CNIH3: variants seen among roughly 807,000 people sequenced by gnomAD.
The protein encoded by CNIH3 is cornichon family AMPA receptor auxiliary protein 3, also known as protein cornichon homolog 3.
CNIH3 carries 14 observed loss-of-function variants against 24.1 expected under a neutral mutation model. The ratio of observed to expected loss-of-function variants is 0.58; its 90% CI spans 0.38 to 0.91. CNIH3 has a LOEUF of 0.91. Among genes scored for constraint, CNIH3 ranks in the 40% least tolerant of loss-of-function variants. The probability of loss-of-function intolerance (pLI) is 0.00; values close to 1 mark genes in which losing one functional copy is unlikely to be tolerated. For synonymous variants in CNIH3, 68 were observed against 73.8 expected, an observed-to-expected ratio of 0.92 and a Z score of 0.40; for missense variants, 178 against 196.8, an observed-to-expected ratio of 0.90 and a Z score of 0.57.
At chr1:224,489,229 C>T (rs747297777) in intron 1 of CNIH3, among the ~76,000 whole-genome samples, 7 of 152,044 alleles carry the variant, frequency 4.6e-5, no homozygotes, top group East Asian at 1.9e-4. Context: ...CATTTCTGCT[C>T]AGGTCTTTTA....
At chr1:224,526,245 C>G (rs1338803522) in intron 2 of CNIH3, among the ~76,000 whole-genome samples, 1 of 152,146 alleles carries the variant, frequency 6.6e-6, no homozygotes, top group Non-Finnish European at 1.5e-5. Context: ...ATGTTGGTGT[C>G]CCCCCAAATT....
At chr1:224,575,021 G>A (rs889030581) in intron 4 of CNIH3, 15 of 876,082 alleles carry the variant, frequency 1.7e-5, no homozygotes, top group Non-Finnish European at 3.0e-5. Context: ...TCACTCAGGA[G>A]AAGTTAATCC....
At chr1:224,709,804 C>T (rs1340337214) in intron 3 of CNIH3, among the ~76,000 whole-genome samples, 1 of 152,158 alleles carries the variant, frequency 6.6e-6, no homozygotes, top group Non-Finnish European at 1.5e-5. Flanking sequence ...CTTCAACCTG[C>T]CATCTACTCA....
downstream of CNIH3, among the ~76,000 whole-genome samples, chr1:224,592,536 C>G (rs1280739222): frequency 6.6e-6 from 1 of 152,172 alleles, no homozygotes; most frequent in Non-Finnish European, 1.5e-5. Context: ...AAATGGCACA[C>G]CCGCTCGTGG....
chr1:224,636,454 A>T (rs1684091235), intron 1 of CNIH3, among the ~76,000 whole-genome samples: 1 of 152,210 alleles, frequency 6.6e-6, no homozygotes, highest in Non-Finnish European at 1.5e-5. Flanking sequence ...CTGCTTCCTA[A>T]TTACCAGACC....
At chr1:224,486,613 A>G (rs1677041312) in intron 1 of CNIH3, among the ~76,000 whole-genome samples, 1 of 152,232 alleles carries the variant, frequency 6.6e-6, no homozygotes, top group Non-Finnish European at 1.5e-5. Context: ...TGCTCTTTCT[A>G]TATCAACTAT....
intron 1 of CNIH3, among the ~76,000 whole-genome samples, chr1:224,472,194 T>C (rs1256225648): frequency 6.6e-6 from 1 of 152,212 alleles, no homozygotes; most frequent in African/African-American, 2.4e-5. Context: ...ACCAGCAGTG[T>C]ATAAGGATTC....
intron 1 of CNIH3, among the ~76,000 whole-genome samples, chr1:224,636,416 T>A (rs1427449390): frequency 6.6e-6 from 1 of 152,236 alleles, no homozygotes; most frequent in Non-Finnish European, 1.5e-5. Context: ...GATCACAGCC[T>A]ATTCAGGACG....
chr1:224,570,111 C>T (rs967323049), intron 4 of CNIH3, among the ~76,000 whole-genome samples: 2 of 152,112 alleles, frequency 1.3e-5, no homozygotes, highest in African/African-American at 2.4e-5. Context: ...GATATGGATA[C>T]TTATGTTTCT....
intron 2 of CNIH3, among the ~76,000 whole-genome samples, chr1:224,531,621 G>A (rs759546790): frequency 2.0e-5 from 3 of 152,158 alleles, no homozygotes; most frequent in Non-Finnish European, 4.4e-5. Flanking sequence ...AAGAATTTTA[G>A]TCTTTATCCT....
At chr1:224,681,418 G>A (rs1558287590) in intron 2 of CNIH3, among the ~76,000 whole-genome samples, 1 of 152,338 alleles carries the variant, frequency 6.6e-6, no homozygotes, top group East Asian at 1.9e-4. Context: ...TGGGCACCAA[G>A]TGGAGACGTG....
chr1:224,596,021 GC>G (rs1246234998), intron 3 of CNIH3, among the ~76,000 whole-genome samples: 1 of 152,222 alleles, frequency 6.6e-6, no homozygotes, highest in Non-Finnish European at 1.5e-5. Context: ...AGAAGCTGCA[GC>G]AAGTTACCCA....
In CNIH3 at chr1:224,622,293, G is replaced by A. The variant is rs1434520678; in HGVS notation, c.81+5038G>A. Among the ~76,000 whole-genome samples, 5 of 152,174 alleles carry A rather than the reference G, an allele frequency of 3.3e-5. No homozygotes were observed. The East Asian group carries it at 9.6e-4, about 29-fold the overall frequency. On this transcript the variant is annotated intron_variant, in intron 1 of 5. Coordinates refer to ENST00000272133, the MANE Select transcript of CNIH3 (RefSeq NM_152495.2). ...AAGCTAATTATTGCAAAGAAGACTG[G>A]CCATTGCCATGGGGTATAGGGCCCT...
chr1:224,521,392 A>G (rs572964639), intron 2 of CNIH3: 1 of 152,264 alleles, frequency 6.6e-6, no homozygotes, highest in Non-Finnish European at 1.5e-5. Flanking sequence ...GATGCTTTCA[A>G]TTAGTAAATA....
upstream of CNIH3, chr1:224,611,468 G>A (rs955678486): frequency 6.6e-6 from 1 of 152,150 alleles, no homozygotes; most frequent in African/African-American, 2.4e-5. Context: ...TTAAGGCCTG[G>A]TAGAGTGGCT....
At chr1:224,593,252 C>T (rs1368995482), downstream of CNIH3, among the ~76,000 whole-genome samples, 1 of 151,644 alleles carries the variant, frequency 6.6e-6, no homozygotes, top group African/African-American at 2.4e-5. Flanking sequence ...ATCTCCCAGG[C>T]TCAAGCTATC....
chr1:224,739,190 G>A (rs1369839615), intron 5 of CNIH3, 139 bp from the exon 6 acceptor site: 13 of 1,437,910 alleles, frequency 9.0e-6, no homozygotes, highest in East Asian at 2.5e-5. Context: ...GCGAGATGCT[G>A]TAGTGACAGG....
In CNIH3 at chr1:224,445,610, G is replaced by A. The variant is rs2102953957; in HGVS notation, n.203+10748G>A. ...AAAAAAAAAAAAGAAAGATTGTGTT[G>A]CCTTTCTATTATTGATGTGTGGAAT... On this transcript the variant is annotated intron_variant and non_coding_transcript_variant, in intron 1 of 5. Coordinates refer to the CNIH3 transcript ENST00000471578. Among the ~76,000 whole-genome samples the A allele has an allele frequency of 2.1e-5, 3 of 144,132 alleles. No homozygotes were observed. The Middle Eastern group carries it at 0.011, about 518-fold the overall frequency. 94.6% of individuals were successfully genotyped at this position (144,132 alleles called of 152,430 possible). A position where few individuals can be genotyped will look rare whatever the true frequency, so the allele number is the denominator to read the frequency against.
At chr1:224,609,798 A>G (rs1005725562) in intron 3 of CNIH3, among the ~76,000 whole-genome samples, 12 of 152,142 alleles carry the variant, frequency 7.9e-5, no homozygotes, top group Non-Finnish European at 1.2e-4. Flanking sequence ...CGCTTTGACC[A>G]TTTCTCTGAT....
Sources: allele counts gnomAD v4.1 joint callset (sites outside exome capture counted in the v4.1 genomes callset), GRCh38; gene constraint gnomAD v4.1.1; transcripts MANE v1.5; gene names NCBI Gene and HGNC (gene_info 2026-07-23, HGNC 2026-07-21).